Variants in PLCZ1 observed in about 807,000 individuals in gnomAD.
PLCZ1 encodes 1-phosphatidylinositol 4,5-bisphosphate phosphodiesterase zeta-1.
A neutral mutation model predicts 76.8 loss-of-function variants in PLCZ1; 64 were observed. The observed-to-expected ratio is 0.83, with a 90% confidence interval of 0.68 to 1.03. PLCZ1 has a LOEUF of 1.03. Among genes scored for constraint, PLCZ1 ranks in the 50% least tolerant of loss-of-function variants. The pLI is 0.00. For missense variants in PLCZ1, 751 were observed against 713.7 expected (o/e 1.05, Z -0.60); for synonymous variants, 248 against 230.8 (o/e 1.07, Z -0.68).
chr12:18,706,074 A>G (rs1202324582), intron 6 of PLCZ1, among the ~76,000 whole-genome samples: 1 of 151,900 alleles, frequency 6.6e-6, no homozygotes, highest in Admixed American at 6.6e-5. Context: ...TAAAAATGCA[A>G]AAAAGAAAAT....
rs967037830 is a variant in PLCZ1, at chr12:18,695,974, A to C, written c.1291+176T>G. Among the ~76,000 whole-genome samples the C allele has an allele frequency of 7.9e-5, 12 of 152,010 alleles. 1 individual carries two copies. Among genetic ancestry groups the C allele is most frequent in the Non-Finnish European group, 2.9e-5 (2 of 68,006 alleles). Reference sequence around the variant, plus strand: ...ACTGAGATTTACCCCGCTTCAACCCAGATAGGAATGACTTCAACTCTTACA... The same window carrying C: ...ACTGAGATTTACCCCGCTTCAACCCCGATAGGAATGACTTCAACTCTTACA... On this transcript the variant is annotated intron_variant, in intron 11 of 14. Transcript: ENST00000266505.
rs758982697 is a variant in PLCZ1 at position 18,683,318 on chromosome 12, C to T, written c.1748G>A (p.Arg583His). 3.1e-5 allele frequency: 50 copies of T among 1,612,074 alleles called. No individual in the cohort carries two copies. Among genetic ancestry groups the T allele is most frequent in the East Asian group, 6.7e-5 (3 of 44,814 alleles). Residue 583 changes from arginine (R) to histidine (H), a missense_variant, in exon 15 of 15, where the codon CGT (arginine) becomes CAT (histidine). Transcript: ENST00000266505. Reference protein sequence around the residue: ...LPLLCMNKGYRRIPLFSRMGE... With the variant: ...LPLLCMNKGYHRIPLFSRMGE... ...CATTCTGGAAAACAGAGGAATACGA[C>T]GATAACCTGCAAAAGGAATTATATC...
rs1248020562 is a variant in PLCZ1 at position 18,712,926 on chromosome 12, T to A, written c.630A>T (p.Glu210Asp). 1 of 1,613,818 alleles carries A rather than the reference T, an allele frequency of 6.2e-7. No homozygotes were observed. Among genetic ancestry groups the A allele is most frequent in the Admixed American group, 1.7e-5 (1 of 59,990 alleles). ...EIDCWDGAQN[E>D]PVVYHGYTLT... is the part of the protein sequence containing the mutation. ...GTGTGTAGCCATGATATACAACAGG[T>A]TCATTTTGTGCTCCATCCCAGCAGT... The change falls in exon 6 of 15, where the codon GAA becomes GAT. Residue 210 changes from glutamate to aspartate, a missense_variant. Glu to Asp is a conservative substitution (Grantham distance 45). Transcript: ENST00000266505.
chr12:18,701,914 C>A, intron 7 of PLCZ1, 138 bp from the exon 8 acceptor site: 1 of 1,251,460 alleles, frequency 8.0e-7, no homozygotes, highest in Non-Finnish European at 1.1e-6. Context: ...TTTCCCATAC[C>A]CCTATTCACA....
At chr12:18,685,508 G>A (rs958188932) in intron 13 of PLCZ1, 10 of 238,040 alleles carry the variant, frequency 4.2e-5, no homozygotes, top group Admixed American at 2.9e-4. Flanking sequence ...AAGCACTGAT[G>A]AATTTCTAAT....
chr12:18,723,231 T>A, intron 4 of PLCZ1, 80 bp downstream of exon 4: 1 of 1,251,748 alleles, frequency 8.0e-7, no homozygotes, highest in African/African-American at 1.5e-5. Context: ...TAAAAATACT[T>A]TGCTTTGAAA....
At chr12:18,701,966 T>A (rs1193673662) in intron 7 of PLCZ1, among the ~76,000 whole-genome samples, 190 bp from the exon 8 acceptor site, 4 of 152,158 alleles carry the variant, frequency 2.6e-5, no homozygotes, top group Non-Finnish European at 5.9e-5. Context: ...TGCTATTGAT[T>A]GTAATTCACC....
chr12:18,657,114 C>G, the PLCZ1 span, among the ~76,000 whole-genome samples: 1,228 of 152,092 alleles, frequency 8.1e-3, 4 homozygotes, highest in Middle Eastern at 0.017. Context: ...GAACTCAAAT[C>G]TCTACCAGTG....
intron 7 of PLCZ1, among the ~76,000 whole-genome samples, chr12:18,704,310 G>A (rs1286367672): frequency 2.6e-5 from 4 of 152,004 alleles, no homozygotes; most frequent in Non-Finnish European, 4.4e-5. Context: ...AATTTGGGCC[G>A]TGAGAGGGAG....
In PLCZ1 at chr12:18,719,634, TA is replaced by T; in HGVS notation, c.368-3del. 1.9e-6 allele frequency: 3 copies of T among 1,570,480 alleles called. No homozygotes were observed. The highest frequency in any genetic ancestry group is 2.3e-5 in the East Asian group (1 of 43,632). ...ATGACATTTGGTGTGCTTTCCTAAC[TA>T]AAAAAATAAAATAAAATAAGTTAAA... On this transcript the variant is annotated splice_region_variant and splice_polypyrimidine_tract_variant and intron_variant, in intron 4 of 14. Coordinates refer to ENST00000266505, the MANE Select transcript of PLCZ1 (RefSeq NM_033123.4).
the PLCZ1 span, among the ~76,000 whole-genome samples, chr12:18,665,547 C>T: frequency 6.6e-6 from 1 of 152,082 alleles, no homozygotes; most frequent in African/African-American, 2.4e-5. Flanking sequence ...AATCCCAGCA[C>T]TTTGGGAGGC....
At chr12:18,698,637 T>A (rs1399155177) in intron 10 of PLCZ1, among the ~76,000 whole-genome samples, 2 of 152,130 alleles carry the variant, frequency 1.3e-5, no homozygotes, top group African/African-American at 2.4e-5. Flanking sequence ...TGCATTTTTT[T>A]AACTTTTAAT....
intron 12 of PLCZ1, chr12:18,693,960 T>C: frequency 6.6e-7 from 1 of 1,514,576 alleles, no homozygotes; most frequent in Non-Finnish European, 9.2e-7. Flanking sequence ...GGTGCTGACA[T>C]CAAGGCAGTC....
At chr12:18,683,780 C>A (rs1203490428) in intron 14 of PLCZ1, 2 of 535,580 alleles carry the variant, frequency 3.7e-6, no homozygotes, top group East Asian at 1.2e-4. Context: ...TCTCCTCAGG[C>A]AGGAAGAATG....
the PLCZ1 span, among the ~76,000 whole-genome samples, chr12:18,649,156 T>C: frequency 1.3e-5 from 2 of 152,098 alleles, no homozygotes; most frequent in African/African-American, 2.4e-5. Context: ...TTCTGTCTGC[T>C]GAAACCTCAG....
chr12:18,665,600 C>A, the PLCZ1 span, among the ~76,000 whole-genome samples: 1 of 152,044 alleles, frequency 6.6e-6, no homozygotes, highest in Non-Finnish European at 1.5e-5. Flanking sequence ...GGAGACTAGC[C>A]TGACCAACAT....
At chr12:18,734,433 C>T (rs1023138820) in intron 3 of PLCZ1, among the ~76,000 whole-genome samples, 1 of 152,150 alleles carries the variant, frequency 6.6e-6, no homozygotes, top group African/African-American at 2.4e-5. Context: ...TCACTGCAAC[C>T]TCTGCCTCCC....
chr12:18,683,581 C>A (rs929888796), intron 14 of PLCZ1: 4 of 1,460,808 alleles, frequency 2.7e-6, no homozygotes, highest in Non-Finnish European at 3.6e-6. Flanking sequence ...CCAAAATTAG[C>A]CACCACCCTT....
chr12:18,736,476 T>A lies in PLCZ1; in HGVS notation c.12-132A>T, dbSNP rs773571031. ...TGTTTAAAGTAAATTATAGTATAATTGTATGATAAATATTTTTTAAAAAAC... is the reference window on the plus strand; with the variant it reads ...TGTTTAAAGTAAATTATAGTATAATAGTATGATAAATATTTTTTAAAAAAC... On this transcript the variant is annotated intron_variant, in intron 2 of 14. Transcript: ENST00000266505. 8.3e-5 allele frequency: 100 copies of A among 1,203,930 alleles called. No homozygotes were observed. In the Admixed American group the frequency reaches 2.6e-3, roughly 31 times the overall value. 74.6% of individuals were successfully genotyped at this position (1,203,930 alleles called of 1,614,324 possible).
Sources: gnomAD v4.1 joint callset for allele counts (sites outside exome capture counted in the v4.1 genomes callset) on GRCh38, gnomAD v4.1.1 for gene constraint, MANE v1.5 for transcripts, NCBI Gene and HGNC (gene_info 2026-07-23, HGNC 2026-07-21) for gene names.